MARVELD2: variants seen among roughly 807,000 people sequenced by gnomAD.
MARVELD2 encodes MARVEL domain-containing protein 2.
A neutral mutation model predicts 57.6 loss-of-function variants in MARVELD2; 49 were observed. The ratio of observed to expected loss-of-function variants is 0.85; its 90% CI spans 0.68 to 1.08. The LOEUF (loss-of-function observed/expected upper bound fraction) is 1.08, where lower values mean the gene tolerates loss of function less well. MARVELD2 is among the 50% of genes least tolerant of loss of function. The probability of loss-of-function intolerance (pLI) is 0.00; values close to 1 mark genes in which losing one functional copy is unlikely to be tolerated. For missense variants in MARVELD2, 606 were observed against 701.1 expected, an observed-to-expected ratio of 0.86 and a Z score of 1.53; for synonymous variants, 238 against 258.8, an observed-to-expected ratio of 0.92 and a Z score of 0.77.
At chr5:69,441,479 G>A in intron 6 of MARVELD2, 53 bp from the exon 7 acceptor site, 1 of 1,593,254 alleles carries the variant, frequency 6.3e-7, no homozygotes. Flanking sequence ...ATGTTTCTGT[G>A]TTTTTCACTG....
At position 69,420,141 on chromosome 5, in the gene MARVELD2, G is replaced by A. The variant is rs903547866; in HGVS notation, c.756G>A (p.Lys252=). ...MYGGYYYTGP[K]TPFVLVVAGL... ...GGGGCTATTACTACACTGGCCCTAA[G>A]ACCCCTTTTGTACTCGTGGTTGCTG... Residue 252 remains lysine, a synonymous_variant, in exon 2 of 7, where the codon AAG becomes AAA. Transcript: ENST00000325631. 6.2e-7 allele frequency: 1 copy of A among 1,614,142 alleles called. No homozygotes were observed. Among genetic ancestry groups the A allele is most frequent in the Non-Finnish European group, 8.5e-7 (1 of 1,180,034 alleles).
In MARVELD2 at chr5:69,433,033, G is replaced by C; in HGVS notation, c.1443G>C (p.Arg481Ser). Residue 481 changes from arginine (R) to serine (S), a missense_variant, in exon 5 of 7, where the codon AGG becomes AGC. By Grantham distance (110) the Arg-to-Ser change is moderately radical. Transcript: ENST00000325631. ...ELSAEVQAVL[R>S]KFDELDAVMS... ...CTGCAGAAGTTCAGGCTGTCCTGAG[G>C]AAGTTTGATGAGCTGGATGCAGTGA... The C allele has an allele frequency of 6.2e-7, 1 of 1,614,190 alleles. No homozygotes were observed. The highest frequency in any genetic ancestry group is 8.5e-7 in the Non-Finnish European group (1 of 1,180,030).
chr5:69,427,617 A>G (rs1766832375), intron 3 of MARVELD2, among the ~76,000 whole-genome samples: 1 of 152,184 alleles, frequency 6.6e-6, no homozygotes. Context: ...TATTCATAAC[A>G]TTACTTAGAC....
At chr5:69,416,638 A>G (rs1055282361) in intron 1 of MARVELD2, among the ~76,000 whole-genome samples, 4 of 152,226 alleles carry the variant, frequency 2.6e-5, no homozygotes, top group Non-Finnish European at 5.9e-5. Flanking sequence ...TATAAATGAA[A>G]CAAGTTTGGC....
Position 69,420,535 on chromosome 5 carries a change from A to C in MARVELD2, c.1146+4A>C. ...AGAATATATGGAACAACAGGAGGTA[A>C]GTGATTTCATAATCCCTCATTTGTG... On this transcript the variant is annotated splice_donor_region_variant and intron_variant, in intron 2 of 6. Transcript: ENST00000325631. The C allele has an allele frequency of 6.2e-7, 1 of 1,608,332 alleles. No homozygotes were observed. The highest frequency in any genetic ancestry group is 8.5e-7 in the Non-Finnish European group (1 of 1,179,778).
chr5:69,420,588 G>A, intron 2 of MARVELD2, 57 bp downstream of exon 2: 1 of 1,519,932 alleles, frequency 6.6e-7, no homozygotes, highest in Non-Finnish European at 9.0e-7. Context: ...TCTGTTATTT[G>A]CTCCCTTGTT....
In MARVELD2 at chr5:69,441,662, T is replaced by G. The variant is rs1767331338; in HGVS notation, c.*8T>G. The G allele has an allele frequency of 6.5e-7, 1 of 1,527,052 alleles. No homozygotes were observed. The highest frequency in any genetic ancestry group is 9.0e-7 in the Non-Finnish European group (1 of 1,105,754). 94.6% of individuals were successfully genotyped at this position (1,527,052 alleles called of 1,614,324 possible). ...GTACAAGGTTATTCTTAACGCTTAT[T>G]TGAAACCACTTTATTTTTTTATTTT... On this transcript the variant is annotated 3_prime_UTR_variant, in exon 7 of 7. Coordinates refer to ENST00000325631, the MANE Select transcript of MARVELD2 (RefSeq NM_001038603.3).
chr5:69,423,063 A>T (rs1766679136), intron 2 of MARVELD2, among the ~76,000 whole-genome samples: 2 of 151,796 alleles, frequency 1.3e-5, no homozygotes, highest in Admixed American at 1.3e-4. Context: ...ATGCCCAGCT[A>T]ATTTTTGTAT....
intron 1 of MARVELD2, among the ~76,000 whole-genome samples, chr5:69,416,079 A>C (rs1055143778): frequency 1.3e-5 from 2 of 152,234 alleles, no homozygotes; most frequent in Admixed American, 6.5e-5. Context: ...CAAATAAGCC[A>C]CTTCACAGGT....
chr5:69,443,846 A>C lies in MARVELD2; in HGVS notation c.*2192A>C, dbSNP rs1041763236. On this transcript the variant is annotated 3_prime_UTR_variant, in exon 7 of 7. Coordinates refer to ENST00000325631, the MANE Select transcript of MARVELD2 (RefSeq NM_001038603.3). ...TGAAATCTTTATGCATTCATTGTTA[A>C]TATTTTAATTCCATGGCTTTGTAGG... 6.6e-6 allele frequency: 1 copy of C among 152,024 alleles called. No individual in the cohort carries two copies. Among genetic ancestry groups the C allele is most frequent in the Non-Finnish European group, 1.5e-5 (1 of 68,010 alleles). The allele number at this position is 152,024 out of a possible 1,614,324, so 9.4% of individuals were successfully genotyped here.
rs56997254 is a variant in MARVELD2, at chr5:69,416,297, A to T, written c.-16+1127A>T. Among the ~76,000 whole-genome samples the T allele has an allele frequency of 3.0e-3, 461 of 152,372 alleles. 2 individuals carry two copies. The highest frequency in any genetic ancestry group is 0.011 in the African/African-American group (442 of 41,588). On this transcript the variant is annotated intron_variant, in intron 1 of 6. Transcript: ENST00000325631. ...TAGAGAAAGAAAGAGAAAGGTACAAAAATAACTGATTGTTATAATATACAG... is the reference window on the plus strand; with the variant it reads ...TAGAGAAAGAAAGAGAAAGGTACAATAATAACTGATTGTTATAATATACAG...
At position 69,432,526 on chromosome 5, in the gene MARVELD2, G is replaced by A. The variant is rs200781822; in HGVS notation, c.1183-1G>A. 13 of 1,614,082 alleles carry A rather than the reference G, an allele frequency of 8.1e-6. No homozygotes were observed. In the South Asian group the frequency reaches 1.2e-4, roughly 15 times the overall value. On this transcript the variant is annotated splice_acceptor_variant, in intron 3 of 6. Transcript: ENST00000325631. LOFTEE classifies it high-confidence loss of function. ...AATCCTCTTTTTCTCCCTAACTGCA[G>A]TGTGAAATGGCCACCAGTGGTGACA...
intron 5 of MARVELD2, among the ~76,000 whole-genome samples, chr5:69,435,040 T>G (rs1359035557): frequency 1.4e-5 from 2 of 147,984 alleles, no homozygotes; most frequent in Admixed American, 1.4e-4. Flanking sequence ...TTTTTTTTTT[T>G]GAGATGGAGT....
At chr5:69,415,541 A>C (rs745705371) in intron 1 of MARVELD2, 1 of 152,164 alleles carries the variant, frequency 6.6e-6, no homozygotes, top group Non-Finnish European at 1.5e-5. Flanking sequence ...AACCGAGGAC[A>C]CAATGAGATT....
At chr5:69,429,194 C>G (rs1766884519) in intron 3 of MARVELD2, among the ~76,000 whole-genome samples, 1 of 152,052 alleles carries the variant, frequency 6.6e-6, no homozygotes, top group African/African-American at 2.4e-5. Context: ...AGAGCTTTTC[C>G]TTTTCATAAC....
intron 1 of MARVELD2, among the ~76,000 whole-genome samples, chr5:69,415,939 G>A (rs1766398772): frequency 6.6e-6 from 1 of 152,192 alleles, no homozygotes; most frequent in African/African-American, 2.4e-5. Context: ...GACATTAGGG[G>A]TATCCAGATA....
chr5:69,423,567 T>C (rs1411035358), intron 2 of MARVELD2, among the ~76,000 whole-genome samples: 1 of 150,980 alleles, frequency 6.6e-6, no homozygotes, highest in Non-Finnish European at 1.5e-5. Context: ...TGGAAAAAAA[T>C]AGTTTTATAA....
chr5:69,424,404 AG>A (rs1766721044), intron 2 of MARVELD2, among the ~76,000 whole-genome samples, 196 bp from the exon 3 acceptor site: 1 of 152,168 alleles, frequency 6.6e-6, no homozygotes, highest in African/African-American at 2.4e-5. Flanking sequence ...CCTGATTGAC[AG>A]GGAATTACAG....
chr5:69,420,853 AAAG>A (rs995712188), intron 2 of MARVELD2, among the ~76,000 whole-genome samples: 4 of 152,326 alleles, frequency 2.6e-5, no homozygotes, highest in Admixed American at 6.5e-5. Flanking sequence ...GAATTTTTGC[AAAG>A]AAGAAGAGTG....
Sources: allele counts gnomAD v4.1 joint callset (sites outside exome capture counted in the v4.1 genomes callset), GRCh38; gene constraint gnomAD v4.1.1; transcripts MANE v1.5; gene names NCBI Gene and HGNC (gene_info 2026-07-23, HGNC 2026-07-21).